The following FRMD6 variants were observed in gnomAD, a reference collection of about 807,000 sequenced individuals.
The protein encoded by FRMD6 is FERM domain containing 6.
A neutral mutation model predicts 73.2 loss-of-function variants in FRMD6; 37 were observed. The observed-to-expected ratio is 0.51, with a 90% CI of 0.39 to 0.66. The LOEUF (loss-of-function observed/expected upper bound fraction) is 0.66, where lower values mean the gene tolerates loss of function less well. Among genes scored for constraint, FRMD6 ranks in the 30% least tolerant of loss-of-function variants. The pLI, the probability that FRMD6 is intolerant of heterozygous loss-of-function variation, is 0.00. For synonymous variants in FRMD6, 273 were observed against 282.2 expected, an observed-to-expected ratio of 0.97 and a Z score of 0.33; for missense variants, 714 against 780.5, an observed-to-expected ratio of 0.91 and a Z score of 1.02.
the FRMD6 span, among the ~76,000 whole-genome samples, chr14:51,415,549 G>C: frequency 1.3e-5 from 2 of 152,220 alleles, no homozygotes; most frequent in Non-Finnish European, 2.9e-5. Context: ...GCTGGATTCA[G>C]TTGGCCAGTG....
chr14:51,456,878 A>G, the FRMD6 span, among the ~76,000 whole-genome samples: 5 of 152,228 alleles, frequency 3.3e-5, no homozygotes, highest in African/African-American at 1.2e-4. Flanking sequence ...GACATTAAGT[A>G]AAATAAGCTA....
At chr14:51,485,974 C>T (rs995094496), upstream of FRMD6, among the ~76,000 whole-genome samples, 4 of 151,962 alleles carry the variant, frequency 2.6e-5, no homozygotes, top group Admixed American at 2.6e-4. Flanking sequence ...GCCAGACTTC[C>T]CCTTGAAGTT....
At chr14:51,608,088 T>G (rs1048153201) in intron 2 of FRMD6, among the ~76,000 whole-genome samples, 3 of 152,212 alleles carry the variant, frequency 2.0e-5, no homozygotes, top group Non-Finnish European at 4.4e-5. Flanking sequence ...CCACACAGCT[T>G]TTTCTGGGAA....
At chr14:51,533,683 T>C (rs1024310714) in intron 1 of FRMD6, among the ~76,000 whole-genome samples, 5 of 152,156 alleles carry the variant, frequency 3.3e-5, no homozygotes, top group African/African-American at 1.2e-4. Flanking sequence ...TCAATAAATG[T>C]AAAAAAGAAA....
Position 51,715,341 on chromosome 14 carries a change from T to C in FRMD6, c.866T>C (p.Ile289Thr). ...CTTCCAAAGGGTAAGAAATTTGAGATTTTGCCAGATGGCTTGCCTTCTGCC... is the reference window on the plus strand; with the variant it reads ...CTTCCAAAGGGTAAGAAATTTGAGACTTTGCCAGATGGCTTGCCTTCTGCC... ...KLVFVGKKFEILPDGLPSARK... is the reference protein window; with the variant it reads ...KLVFVGKKFETLPDGLPSARK... Residue 289 changes from isoleucine to threonine, a missense_variant, in exon 10 of 14, where the codon ATT (isoleucine) becomes ACT (threonine). By Grantham distance (89) the Ile-to-Thr change is moderately conservative. Transcript: ENST00000344768. The C allele has an allele frequency of 1.3e-6, 2 of 1,567,966 alleles. No individual in the cohort carries two copies. The highest frequency in any genetic ancestry group is 1.7e-6 in the Non-Finnish European group (2 of 1,153,946).
chr14:51,596,927 T>A (rs1014834577), intron 2 of FRMD6, among the ~76,000 whole-genome samples: 2 of 152,204 alleles, frequency 1.3e-5, no homozygotes, highest in African/African-American at 4.8e-5. Context: ...TGTTGCAAGT[T>A]TATACATCAC....
chr14:51,544,634 G>A (rs1253213179), intron 1 of FRMD6, among the ~76,000 whole-genome samples: 1 of 151,588 alleles, frequency 6.6e-6, no homozygotes, highest in Non-Finnish European at 1.5e-5. Context: ...AGTGAACTCT[G>A]AGAGTTCTGC....
intron 1 of FRMD6, among the ~76,000 whole-genome samples, chr14:51,667,941 G>T (rs550675344): frequency 6.6e-6 from 1 of 152,262 alleles, no homozygotes; most frequent in Admixed American, 6.5e-5. Flanking sequence ...GGTGCCTAGA[G>T]AAATGTAAAG....
intron 1 of FRMD6, among the ~76,000 whole-genome samples, chr14:51,559,328 T>C (rs1887340331): frequency 6.6e-6 from 1 of 152,238 alleles, no homozygotes; most frequent in Non-Finnish European, 1.5e-5. Flanking sequence ...TCAACCATCA[T>C]TGTTTTCAGT....
chr14:51,702,653 A>T, intron 5 of FRMD6, 65 bp downstream of exon 5: 1 of 1,239,610 alleles, frequency 8.1e-7, no homozygotes, highest in Non-Finnish European at 1.2e-6. Context: ...CTAACATACC[A>T]AATAAGTTAC....
the FRMD6 span, among the ~76,000 whole-genome samples, chr14:51,425,294 T>C: frequency 1.3e-5 from 2 of 152,192 alleles, no homozygotes; most frequent in Admixed American, 1.3e-4. Context: ...ACCACCTCGG[T>C]TCACAAGCTG....
At chr14:51,534,918 G>C (rs1195669569) in intron 1 of FRMD6, among the ~76,000 whole-genome samples, 1 of 152,176 alleles carries the variant, frequency 6.6e-6, no homozygotes, top group Non-Finnish European at 1.5e-5. Flanking sequence ...CAGGGCCCCG[G>C]GGCAGCCGCT....
At chr14:51,463,211 C>T in the FRMD6 span, among the ~76,000 whole-genome samples, 2 of 152,192 alleles carry the variant, frequency 1.3e-5, no homozygotes, top group African/African-American at 4.8e-5. Flanking sequence ...TAGCATTAAT[C>T]TACTGACTGA....
At position 51,726,605 on chromosome 14, in the gene FRMD6, G is replaced by T. The variant is rs10151144; in HGVS notation, c.1584+735G>T. Among the ~76,000 whole-genome samples the T allele has an allele frequency of 2.6e-3, 393 of 152,170 alleles. 3 individuals carry two copies. The highest frequency in any genetic ancestry group is 9.2e-3 in the African/African-American group (381 of 41,504). ...GTTGAAGTAACCATAATGTGAAAAT[G>T]ATGTTTATGAAATATTTTCCTGAAA... On this transcript the variant is annotated intron_variant, in intron 13 of 13. Coordinates refer to ENST00000344768, the MANE Select transcript of FRMD6 (RefSeq NM_001267046.2).
At chr14:51,468,309 GA>G in the FRMD6 span, among the ~76,000 whole-genome samples, 1 of 136,516 alleles carries the variant, frequency 7.3e-6, no homozygotes, top group Middle Eastern at 3.9e-3. Context: ...GGGAGAGGGG[GA>G]GGGGGAGGGA....
chr14:51,667,146 GA>G lies in FRMD6; in HGVS notation c.-147+15160del, dbSNP rs537702324. ...TGACAGAGCAAGATCCTGTCTCAAA[GA>G]AAAAAAAAATCAGATGTGAATAGCT... is the stretch of plus-strand genomic sequence containing the variant. On this transcript the variant is annotated intron_variant, in intron 1 of 13. Transcript: ENST00000344768. Among the ~76,000 whole-genome samples, 1,015 of 146,676 alleles carry G rather than the reference GA, an allele frequency of 6.9e-3. 9 individuals carry two copies. The highest frequency in any genetic ancestry group is 0.024 in the African/African-American group (955 of 40,032).
At position 51,720,402 on chromosome 14, in the gene FRMD6, G is replaced by C. The variant is rs1490946817; in HGVS notation, c.1360+12G>C. 1 of 1,611,182 alleles carries C rather than the reference G, an allele frequency of 6.2e-7. No homozygotes were observed. The highest frequency in any genetic ancestry group is 1.3e-5 in the African/African-American group (1 of 74,882). Reference sequence around the variant, plus strand: ...CTTACAGGACGATGGTAACAGTACTGTCCCCTCACTGGCTCTCTGTTTAGT... The same window carrying C: ...CTTACAGGACGATGGTAACAGTACTCTCCCCTCACTGGCTCTCTGTTTAGT... On this transcript the variant is annotated intron_variant, in intron 11 of 13. Coordinates refer to ENST00000344768, the MANE Select transcript of FRMD6 (RefSeq NM_001267046.2).
At chr14:51,583,261 C>G (rs187090287) in intron 2 of FRMD6, among the ~76,000 whole-genome samples, 2 of 152,128 alleles carry the variant, frequency 1.3e-5, no homozygotes, top group Non-Finnish European at 1.5e-5. Context: ...TTGCAGTGCA[C>G]CAGGTAAGGC....
intron 2 of FRMD6, among the ~76,000 whole-genome samples, chr14:51,631,811 A>G (rs1891347113): frequency 6.6e-6 from 1 of 152,232 alleles, no homozygotes; most frequent in South Asian, 2.1e-4. Flanking sequence ...AGTTAACACC[A>G]CAGGGTCTAA....
Sources: gnomAD v4.1 joint callset for allele counts (sites outside exome capture counted in the v4.1 genomes callset) on GRCh38, gnomAD v4.1.1 for gene constraint, MANE v1.5 for transcripts, NCBI Gene and HGNC (gene_info 2026-07-23, HGNC 2026-07-21) for gene names.